Variants in FRYL observed in about 807,000 individuals in gnomAD.
The protein encoded by FRYL is protein furry homolog-like.
FRYL carries 150 observed loss-of-function variants against 351.2 expected under a neutral mutation model. The ratio of observed to expected loss-of-function variants is 0.43; its 90% CI spans 0.37 to 0.49. FRYL has a LOEUF of 0.49. FRYL is among the 20% of genes least tolerant of loss of function. The pLI is 0.00. For synonymous variants in FRYL, 1,153 were observed against 1,257.1 expected (o/e 0.92, Z 1.75); for missense variants, 3,036 against 3,619.3 (o/e 0.84, Z 4.13).
chr4:48,715,623 A>G (rs553570296), intron 1 of FRYL, among the ~76,000 whole-genome samples: 1 of 151,986 alleles, frequency 6.6e-6, no homozygotes, highest in South Asian at 2.1e-4. Context: ...GAAATAAAAG[A>G]GGATACAAAC....
chr4:48,637,204 C>T (rs535129258), intron 3 of FRYL: 3 of 152,068 alleles, frequency 2.0e-5, no homozygotes, highest in Admixed American at 1.3e-4. Flanking sequence ...ATGGAGGAGG[C>T]CAATAATATT....
chr4:48,759,742 C>T (rs756885748), intron 1 of FRYL, among the ~76,000 whole-genome samples: 9 of 152,110 alleles, frequency 5.9e-5, no homozygotes, highest in East Asian at 1.9e-4. Flanking sequence ...GAGCAACCTG[C>T]GTCTGGTCTT....
At chr4:48,714,636 T>C (rs1005792357) in intron 1 of FRYL, among the ~76,000 whole-genome samples, 9 of 149,618 alleles carry the variant, frequency 6.0e-5, no homozygotes, top group Admixed American at 6.0e-4. Flanking sequence ...ATCAATAGCT[T>C]ACCAACCAAA....
intron 7 of FRYL, among the ~76,000 whole-genome samples, chr4:48,616,223 A>T (rs1223450574): frequency 5.3e-5 from 8 of 151,802 alleles, no homozygotes; most frequent in African/African-American, 1.2e-4. Flanking sequence ...ATAATAATAA[A>T]AAAAAAAATA....
In FRYL at chr4:48,769,154, G is replaced by A. The variant is rs185505096; in HGVS notation, c.-384+10924C>T. 5.3e-5 allele frequency among the ~76,000 whole-genome samples: 8 copies of A among 152,006 alleles called. No homozygotes were observed. In the East Asian group the frequency reaches 1.4e-3, roughly 26 times the overall value. On this transcript the variant is annotated intron_variant, in intron 1 of 63. Transcript: ENST00000358350. ...GTCTCAAAAAAAATAAATAACAGAC[G>A]GACTATACGAAAAGGCAAACGTTCT...
At chr4:48,609,643 G>C (rs1747649277) in intron 8 of FRYL, 101 bp downstream of exon 8, 1 of 512,108 alleles carries the variant, frequency 2.0e-6, no homozygotes, top group Non-Finnish European at 3.4e-6. Context: ...AGGAAGATAA[G>C]AATTGCCTTG....
chr4:48,576,460 A>G (rs1005083547), intron 23 of FRYL, among the ~76,000 whole-genome samples: 1 of 151,874 alleles, frequency 6.6e-6, no homozygotes, highest in African/African-American at 2.4e-5. Context: ...GTGTGCCATC[A>G]CGCCCAGCAA....
At chr4:48,700,022 C>T (rs528894517) in intron 2 of FRYL, among the ~76,000 whole-genome samples, 1 of 152,184 alleles carries the variant, frequency 6.6e-6, no homozygotes, top group African/African-American at 2.4e-5. Flanking sequence ...AATAAAGGAA[C>T]AGAGTCCGAC....
At position 48,582,635 on chromosome 4, in the gene FRYL, T is replaced by A. The variant is rs1454883435; in HGVS notation, c.1848A>T (p.Ser616=). The stretch of plus-strand genomic sequence containing the variant: ...CACGAACAATAAAATAAACAAATCC[T>A]GAAAGAACATCCTCCCGCCAATCTG... ...DFPDWREDVL[S]GFVYFIVREV... is the part of the protein sequence containing the mutation. The change falls in exon 20 of 64, where the codon TCA becomes TCT. Residue 616 remains serine, a synonymous_variant. Transcript: ENST00000358350. The A allele has an allele frequency of 1.2e-6, 2 of 1,614,056 alleles. No homozygotes were observed. The highest frequency in any genetic ancestry group is 2.2e-5 in the South Asian group (2 of 91,086).
rs768261873 is a variant in FRYL, at chr4:48,502,879, C to A, written c.8464-34G>T. On this transcript the variant is annotated intron_variant, in intron 60 of 63. Coordinates refer to ENST00000358350, the MANE Select transcript of FRYL (RefSeq NM_015030.2). The stretch of plus-strand genomic sequence containing the variant: ...GAAGGTGATCAGGTCACAAAAAATA[C>A]AAAGGAAGAAAAAGACCAAGAATTA... The A allele has an allele frequency of 6.9e-6, 11 of 1,586,926 alleles. No homozygotes were observed. The Admixed American group carries it at 1.7e-4, about 25-fold the overall frequency.
At chr4:48,629,323 AT>A (rs1286650163) in intron 4 of FRYL, among the ~76,000 whole-genome samples, 1 of 152,174 alleles carries the variant, frequency 6.6e-6, no homozygotes, top group Non-Finnish European at 1.5e-5. Context: ...CAGTGAAATA[AT>A]TTTTATAAGG....
In FRYL at chr4:48,536,260, G is replaced by A. The variant is rs1194451115; in HGVS notation, c.6394-433C>T. On this transcript the variant is annotated intron_variant, in intron 47 of 63. Coordinates refer to ENST00000358350, the MANE Select transcript of FRYL (RefSeq NM_015030.2). ...CTGGGAGGAAATGCTTCAGCCTCCA[G>A]CTGTGCCCGGGGTATCTCAGTAGAG... is the stretch of plus-strand genomic sequence containing the variant. Among the ~76,000 whole-genome samples, 4 of 152,310 alleles carry A rather than the reference G, an allele frequency of 2.6e-5. No individual in the cohort carries two copies. In the East Asian group the frequency reaches 5.8e-4, roughly 22 times the overall value.
chr4:48,514,272 T>C (rs900854339), intron 56 of FRYL, among the ~76,000 whole-genome samples: 1 of 152,128 alleles, frequency 6.6e-6, no homozygotes, highest in Non-Finnish European at 1.5e-5. Flanking sequence ...ACAGAGTGCA[T>C]GAAGTTAGAT....
intron 1 of FRYL, among the ~76,000 whole-genome samples, chr4:48,741,691 C>G (rs115281354): frequency 0.018 from 2,788 of 151,930 alleles, 84 homozygotes; most frequent in African/African-American, 0.063. Flanking sequence ...GCAAGACCCT[C>G]TCTCAAAATA....
intron 49 of FRYL, 63 bp downstream of exon 49, chr4:48,534,482 A>G (rs1728448007): frequency 7.9e-7 from 1 of 1,267,004 alleles, no homozygotes; most frequent in Non-Finnish European, 1.1e-6. Flanking sequence ...CATTTCCAAT[A>G]TTGTGTGATT....
chr4:48,610,692 CATATATTATATACAT>C (rs1220349211), intron 7 of FRYL, among the ~76,000 whole-genome samples: 62 of 142,390 alleles, frequency 4.4e-4, no homozygotes, highest in Admixed American at 1.9e-3. Context: ...ATATTATATA[CATATATTATATACAT>C]ATATATTATA....
At chr4:48,743,872 G>T (rs1479829057) in intron 1 of FRYL, among the ~76,000 whole-genome samples, 1 of 152,084 alleles carries the variant, frequency 6.6e-6, no homozygotes, top group Non-Finnish European at 1.5e-5. Context: ...GCAGATTTTT[G>T]ACTTGTCAAG....
intron 60 of FRYL, 82 bp from the exon 61 acceptor site, chr4:48,502,927 G>T: frequency 9.3e-7 from 1 of 1,074,782 alleles, no homozygotes; most frequent in South Asian, 1.3e-5. Flanking sequence ...ATTTTAACTA[G>T]GGTCACAGAT....
chr4:48,544,019 G>GT lies in FRYL; in HGVS notation c.5402-23dup, dbSNP rs775149174. On this transcript the variant is annotated intron_variant, in intron 43 of 63. Transcript: ENST00000358350. ...CCTTCTGTGAATGCAAAGGAAACGA[G>GT]TAGGTTGTTCTTGTTCTTTAGAATA... is the stretch of plus-strand genomic sequence containing the variant. 257 of 1,607,626 alleles carry GT rather than the reference G, an allele frequency of 1.6e-4. 1 individual carries two copies. In the African/African-American group the frequency reaches 2.8e-3, roughly 17 times the overall value.
Sources: allele counts gnomAD v4.1 joint callset (sites outside exome capture counted in the v4.1 genomes callset), GRCh38; gene constraint gnomAD v4.1.1; transcripts MANE v1.5; gene names NCBI Gene and HGNC (gene_info 2026-07-23, HGNC 2026-07-21).